Variants in MANBA observed in about 807,000 individuals in gnomAD.
MANBA encodes the protein beta-mannosidase.
In MANBA, 83 loss-of-function variants were observed where a neutral mutation model predicts 111.1. That is an observed-to-expected ratio of 0.75 (90% CI 0.63 to 0.90). MANBA has a LOEUF of 0.90. Ranked by LOEUF, MANBA falls within the 40% of genes least tolerant of loss-of-function variation. The probability of loss-of-function intolerance (pLI) is 0.00; values close to 1 mark genes in which losing one functional copy is unlikely to be tolerated. For synonymous variants in MANBA, 370 were observed against 378.7 expected (o/e 0.98, Z 0.27); for missense variants, 1,036 against 1,069.0 (o/e 0.97, Z 0.43).
intron 5 of MANBA, among the ~76,000 whole-genome samples, chr4:102,691,610 A>G (rs1274361588): frequency 2.0e-5 from 3 of 151,570 alleles, no homozygotes; most frequent in African/African-American, 7.3e-5. Flanking sequence ...GGCTCAAGCA[A>G]TCCTCCTGCC....
chr4:102,696,507 T>C (rs1732714180), intron 5 of MANBA, among the ~76,000 whole-genome samples: 1 of 152,160 alleles, frequency 6.6e-6, no homozygotes. Flanking sequence ...TCTCTGAACA[T>C]ATTTAGAAAG....
chr4:102,680,450 A>C (rs373819863), intron 7 of MANBA, among the ~76,000 whole-genome samples: 104 of 152,312 alleles, frequency 6.8e-4, no homozygotes, highest in South Asian at 3.3e-3. Flanking sequence ...AGTTGAGATT[A>C]ACTTTTCAAA....
intron 1 of MANBA, chr4:102,730,007 A>C: frequency 1.2e-6 from 1 of 841,108 alleles, no homozygotes. Context: ...TGCTGCCCTC[A>C]CCATAGCCTC....
At chr4:102,706,145 G>A (rs1009434167) in intron 5 of MANBA, among the ~76,000 whole-genome samples, 12 of 152,282 alleles carry the variant, frequency 7.9e-5, no homozygotes, top group African/African-American at 2.9e-4. Context: ...GGAGGCCCAA[G>A]ATTCATCATG....
At chr4:102,673,870 C>T (rs372481320) in intron 8 of MANBA, 49 bp downstream of exon 8, 19 of 1,528,416 alleles carry the variant, frequency 1.2e-5, no homozygotes, top group African/African-American at 4.1e-5. Context: ...TCAAGCTTTG[C>T]GGGACTGCTA....
chr4:102,648,059 C>A lies in MANBA; in HGVS notation c.1869+2478G>T, dbSNP rs369152733. Among the ~76,000 whole-genome samples, 252 of 152,150 alleles carry A rather than the reference C, an allele frequency of 1.7e-3. 14 individuals carry two copies. The South Asian group carries it at 0.051, about 31-fold the overall frequency. ...CTTTAAACAAGTATGGCAAAACTAGCAGGTAAATAAACAGCGACTTTAATG... is the reference window on the plus strand; with the variant it reads ...CTTTAAACAAGTATGGCAAAACTAGAAGGTAAATAAACAGCGACTTTAATG... On this transcript the variant is annotated intron_variant, in intron 13 of 16. Transcript: ENST00000647097.
At chr4:102,639,880 C>A (rs1041301958) in intron 13 of MANBA, 23 bp from the exon 14 acceptor site, 42 of 1,613,380 alleles carry the variant, frequency 2.6e-5, no homozygotes, top group Non-Finnish European at 3.5e-5. Flanking sequence ...AACATTCATA[C>A]ACAGGTGTTA....
chr4:102,681,773 T>C (rs1420973576), intron 7 of MANBA, among the ~76,000 whole-genome samples: 1 of 152,216 alleles, frequency 6.6e-6, no homozygotes, highest in Non-Finnish European at 1.5e-5. Flanking sequence ...GCTCATACAA[T>C]TCCAAACTGT....
At chr4:102,709,003 A>G (rs1187531720) in intron 5 of MANBA, among the ~76,000 whole-genome samples, 1 of 152,074 alleles carries the variant, frequency 6.6e-6, no homozygotes, top group African/African-American at 2.4e-5. Context: ...TCCTGGACAC[A>G]TACAACCTGC....
intron 8 of MANBA, among the ~76,000 whole-genome samples, chr4:102,672,524 A>G (rs1451891686): frequency 6.6e-6 from 1 of 152,186 alleles, no homozygotes; most frequent in Non-Finnish European, 1.5e-5. Context: ...GGTATATGAC[A>G]TAATGTTATG....
chr4:102,747,941 C>T (rs565181017), intron 1 of MANBA, among the ~76,000 whole-genome samples: 15 of 152,268 alleles, frequency 9.9e-5, no homozygotes, highest in Admixed American at 4.6e-4. Context: ...TGAAGTGTAG[C>T]GGTGGGGTTC....
In MANBA at chr4:102,657,827, G is replaced by A. The variant is rs1730638937; in HGVS notation, c.1559C>T (p.Ser520Phe). Residue 520 changes from serine to phenylalanine, a missense_variant, in exon 12 of 17, where the codon TCT (serine) becomes TTT (phenylalanine). Ser to Phe is a radical substitution (Grantham distance 155, BLOSUM62 -2). Coordinates refer to ENST00000647097, the MANE Select transcript of MANBA (RefSeq NM_005908.4). ...GAETVAEAWV[S>F]QNPNSNYFGD... ...AAAATAATTGCTATTAGGGTTTTGA[G>A]AGACCCAGGCTTCTGCAACAGTTTC... The A allele has an allele frequency of 1.9e-6, 3 of 1,613,802 alleles. No individual in the cohort carries two copies. Among genetic ancestry groups the A allele is most frequent in the Non-Finnish European group, 2.5e-6 (3 of 1,179,810 alleles).
At chr4:102,679,710 C>G (rs1731877130) in intron 7 of MANBA, 2 of 152,044 alleles carry the variant, frequency 1.3e-5, no homozygotes, top group South Asian at 2.1e-4. Flanking sequence ...TTTGTCATAG[C>G]TGATGGAAAA....
At chr4:102,652,077 C>T (rs1306738961) in intron 12 of MANBA, among the ~76,000 whole-genome samples, 3 of 152,178 alleles carry the variant, frequency 2.0e-5, no homozygotes, top group Non-Finnish European at 4.4e-5. Context: ...TCACCTCAAA[C>T]ATTTATCATT....
At chr4:102,715,141 A>G (rs1722270820) in intron 4 of MANBA, among the ~76,000 whole-genome samples, 2 of 152,142 alleles carry the variant, frequency 1.3e-5, no homozygotes, top group Admixed American at 1.3e-4. Flanking sequence ...AGCAAAAATG[A>G]TGTGATTTTA....
chr4:102,690,503 T>A, intron 6 of MANBA, 93 bp downstream of exon 6: 1 of 1,232,244 alleles, frequency 8.1e-7, no homozygotes, highest in Non-Finnish European at 1.2e-6. Context: ...GAAAGTAGAA[T>A]TTTCTTTCAT....
At position 102,760,891 on chromosome 4, in the gene MANBA, G is replaced by A. The variant is rs1315626558; in HGVS notation, c.4C>T (p.Arg2Cys). 1 of 1,523,138 alleles carries A rather than the reference G, an allele frequency of 6.6e-7. No individual in the cohort carries two copies. Among genetic ancestry groups the A allele is most frequent in the Admixed American group, 2.0e-5 (1 of 50,748 alleles). 94.4% of individuals were successfully genotyped at this position (1,523,138 alleles called of 1,614,324 possible). A position where few individuals can be genotyped will look rare whatever the true frequency, so the allele number is the denominator to read the frequency against. MRLHLLLLLALC... is the reference protein window; with the variant it reads MCLHLLLLLALC... ...GCGAGCAGCAGGAGCAGGTGGAGGC[G>A]CATCTTGAGATCCCGCGCCACCGAG... Residue 2 changes from arginine to cysteine, a missense_variant, in exon 1 of 17, where the codon CGC becomes TGC. Arg to Cys is a radical substitution (Grantham distance 180). Transcript: ENST00000647097.
At chr4:102,703,817 C>G (rs1733170899) in intron 5 of MANBA, among the ~76,000 whole-genome samples, 1 of 152,164 alleles carries the variant, frequency 6.6e-6, no homozygotes, top group South Asian at 2.1e-4. Flanking sequence ...CTGATCCCAC[C>G]CAGCATGGTG....
Position 102,723,047 on chromosome 4 carries a change from T to C in MANBA, c.379-6A>G. 5 of 1,612,592 alleles carry C rather than the reference T, an allele frequency of 3.1e-6. No homozygotes were observed. Among genetic ancestry groups the C allele is most frequent in the East Asian group, 2.2e-5 (1 of 44,878 alleles). ...ACGTTGGTAATATCAAAGCTCTAAGTTAAAGGGAACAATCAGACAAACCCA... is the reference window on the plus strand; with the variant it reads ...ACGTTGGTAATATCAAAGCTCTAAGCTAAAGGGAACAATCAGACAAACCCA... On this transcript the variant is annotated splice_region_variant and splice_polypyrimidine_tract_variant and intron_variant, in intron 3 of 16. Transcript: ENST00000647097.
Sources: gnomAD v4.1 joint callset for allele counts (sites outside exome capture counted in the v4.1 genomes callset) on GRCh38, gnomAD v4.1.1 for gene constraint, MANE v1.5 for transcripts, NCBI Gene and HGNC (gene_info 2026-07-23, HGNC 2026-07-21) for gene names.